Variants in SLC25A51 observed in about 807,000 individuals in gnomAD.
SLC25A51 encodes the protein mitochondrial nicotinamide adenine dinucleotide transporter SLC25A51.
Under a neutral mutation model 19.1 loss-of-function variants are expected in SLC25A51, and 11 were observed. The ratio of observed to expected loss-of-function variants is 0.58; its 90% confidence interval spans 0.36 to 0.96. SLC25A51 has a LOEUF of 0.96. Among genes scored for constraint, SLC25A51 ranks in the 40% least tolerant of loss-of-function variants. The probability of loss-of-function intolerance (pLI) is 0.01; values close to 1 mark genes in which losing one functional copy is unlikely to be tolerated. For synonymous variants in SLC25A51, 105 were observed against 133.6 expected, an observed-to-expected ratio of 0.79 and a Z score of 1.47; for missense variants, 201 against 365.4, an observed-to-expected ratio of 0.55 and a Z score of 3.67.
chr9:37,894,395 C>T (rs1831665846), intron 2 of SLC25A51, among the ~76,000 whole-genome samples: 1 of 150,738 alleles, frequency 6.6e-6, no homozygotes, highest in Admixed American at 6.6e-5. Context: ...GGTGCGATCT[C>T]GGCTCACTGC....
rs765855067 is a variant in SLC25A51, at chr9:37,888,607, T to C, written c.-42-15A>G. 4.8e-5 allele frequency: 74 copies of C among 1,537,886 alleles called. No individual in the cohort carries two copies. The highest frequency in any genetic ancestry group is 6.1e-5 in the Non-Finnish European group (70 of 1,147,902). The stretch of plus-strand genomic sequence containing the variant: ...CTTTTTTTAACCTACAAATAATAAA[T>C]GACAACGGGTAAACCCGTTTTATAG... On this transcript the variant is annotated splice_polypyrimidine_tract_variant and intron_variant, in intron 2 of 2. Transcript: ENST00000242275.
intron 2 of SLC25A51, among the ~76,000 whole-genome samples, chr9:37,892,127 GTATGTCAGGTACC>G (rs1199903332): frequency 6.6e-6 from 1 of 152,156 alleles, no homozygotes; most frequent in Non-Finnish European, 1.5e-5. Context: ...AATAGCATAC[GTATGTCAGGTACC>G]TATGTCAGGG....
chr9:37,890,390 A>C (rs537469293), intron 2 of SLC25A51, among the ~76,000 whole-genome samples: 2 of 152,250 alleles, frequency 1.3e-5, no homozygotes, highest in Admixed American at 1.3e-4. Context: ...GTTTCTAAAA[A>C]TAATAACAAT....
intron 2 of SLC25A51, among the ~76,000 whole-genome samples, chr9:37,898,028 C>T (rs1280457549): frequency 6.6e-6 from 1 of 152,204 alleles, no homozygotes; most frequent in Non-Finnish European, 1.5e-5. Context: ...AGACTTCAAT[C>T]TATATTCATT....
downstream of SLC25A51, chr9:37,878,394 G>C: frequency 5.6e-6 from 1 of 179,532 alleles, no homozygotes; most frequent in East Asian, 1.5e-4. Flanking sequence ...AATTCCAACT[G>C]AATGGTTTGC....
Position 37,887,837 on chromosome 9 carries a change from G to A in SLC25A51, c.714C>T (p.Arg238=), listed in dbSNP as rs1408831111. Residue 238 remains arginine (R), a synonymous_variant, in exon 3 of 3, where the codon CGC becomes CGT. Coordinates refer to ENST00000242275, the MANE Select transcript of SLC25A51 (RefSeq NM_033412.4). ...LFFPINVVKT[R]IQSQIGGEFQ... is the part of the protein sequence containing the mutation. ...ATTCCCCACCAATCTGAGACTGTAT[G>A]CGAGTTTTTACAACATTAATTGGAA... 6.2e-6 allele frequency: 10 copies of A among 1,612,858 alleles called. No homozygotes were observed. The highest frequency in any genetic ancestry group is 8.5e-6 in the Non-Finnish European group (10 of 1,179,868).
chr9:37,895,780 CA>C (rs1310136573), intron 2 of SLC25A51, among the ~76,000 whole-genome samples: 1 of 151,450 alleles, frequency 6.6e-6, no homozygotes, highest in Non-Finnish European at 1.5e-5. Flanking sequence ...TTCATTACTC[CA>C]AAATTATTAA....
chr9:37,886,841 CT>C (rs1407914624), downstream of SLC25A51, among the ~76,000 whole-genome samples: 1 of 152,156 alleles, frequency 6.6e-6, no homozygotes, highest in Non-Finnish European at 1.5e-5. Context: ...TCCTTAAGCC[CT>C]TCTGGCTTGG....
At chr9:37,893,830 C>T (rs1831649985) in intron 2 of SLC25A51, among the ~76,000 whole-genome samples, 1 of 152,028 alleles carries the variant, frequency 6.6e-6, no homozygotes, top group South Asian at 2.1e-4. Flanking sequence ...AGCTGGAAAC[C>T]AATTAAACAC....
At chr9:37,891,221 C>T (rs532442429) in intron 2 of SLC25A51, among the ~76,000 whole-genome samples, 226 of 152,272 alleles carry the variant, frequency 1.5e-3, no homozygotes, top group African/African-American at 5.1e-3. Flanking sequence ...CCAGCCGCCC[C>T]GTCCAGGAGG....
chr9:37,878,984 G>C (rs900073840), downstream of SLC25A51: 2 of 237,450 alleles, frequency 8.4e-6, no homozygotes, highest in East Asian at 3.0e-4. Context: ...AAAACTTTGC[G>C]TGGGTTGTAG....
chr9:37,902,082 C>T (rs151123768), intron 1 of SLC25A51, among the ~76,000 whole-genome samples: 13 of 152,220 alleles, frequency 8.5e-5, no homozygotes, highest in Non-Finnish European at 1.6e-4. Context: ...TTTTTACATA[C>T]GGAGCACACA....
chr9:37,899,049 T>C (rs1440635006), intron 2 of SLC25A51, among the ~76,000 whole-genome samples: 1 of 152,238 alleles, frequency 6.6e-6, no homozygotes, highest in Non-Finnish European at 1.5e-5. Context: ...CAAGTCACTC[T>C]ATAGCTTATT....
At chr9:37,889,416 T>C (rs1426222846) in intron 2 of SLC25A51, among the ~76,000 whole-genome samples, 2 of 152,110 alleles carry the variant, frequency 1.3e-5, no homozygotes, top group Non-Finnish European at 2.9e-5. Context: ...CCAACCATTG[T>C]GGGAACACAG....
chr9:37,894,120 G>A (rs1831657474), intron 2 of SLC25A51, among the ~76,000 whole-genome samples: 1 of 152,048 alleles, frequency 6.6e-6, no homozygotes, highest in Non-Finnish European at 1.5e-5. Flanking sequence ...TGACTGCACT[G>A]TATACAATTT....
chr9:37,880,159 G>A (rs1473906492), exon 4 of SLC25A51: 7 of 151,498 alleles, frequency 4.6e-5, no homozygotes, highest in Admixed American at 1.3e-4. Context: ...GAAAAAATAC[G>A]AAATTTAGCC....
Position 37,890,730 on chromosome 9 carries a change from A to G in SLC25A51, c.-42-2138T>C, listed in dbSNP as rs147821490. 4.1e-3 allele frequency among the ~76,000 whole-genome samples: 618 copies of G among 152,184 alleles called. 2 individuals carry two copies. The highest frequency in any genetic ancestry group is 0.014 in the South Asian group (66 of 4,822). ...AAAGAACATACGATCCAACAATCCT[A>G]CTTCTGGGGATATAACCAAAACAAT... is the stretch of plus-strand genomic sequence containing the variant. On this transcript the variant is annotated intron_variant, in intron 2 of 2. Coordinates refer to ENST00000242275, the MANE Select transcript of SLC25A51 (RefSeq NM_033412.4).
At chr9:37,885,872 G>A (rs556586764), downstream of SLC25A51, 11 of 1,591,938 alleles carry the variant, frequency 6.9e-6, no homozygotes, top group East Asian at 4.5e-5. Context: ...TCCTGATGAC[G>A]TGCAAACCCC....
chr9:37,894,389 C>T (rs1831665699), intron 2 of SLC25A51, among the ~76,000 whole-genome samples: 2 of 149,574 alleles, frequency 1.3e-5, no homozygotes, highest in African/African-American at 2.5e-5. Context: ...TGCAGTGGTG[C>T]GATCTCGGCT....
Sources: gnomAD v4.1 joint callset for allele counts (sites outside exome capture counted in the v4.1 genomes callset) on GRCh38, gnomAD v4.1.1 for gene constraint, MANE v1.5 for transcripts, NCBI Gene and HGNC (gene_info 2026-07-23, HGNC 2026-07-21) for gene names.